Variants in SCAF8 observed in about 807,000 individuals in gnomAD.
SCAF8 encodes the protein SR-related and CTD-associated factor 8.
A neutral mutation model predicts 140.5 loss-of-function variants in SCAF8; 23 were observed. That is an observed-to-expected ratio of 0.16 (90% CI 0.12 to 0.23). SCAF8 has a LOEUF of 0.23. SCAF8 is among the 10% of genes least tolerant of loss of function. The pLI, the probability that SCAF8 is intolerant of heterozygous loss-of-function variation, is 1.00. For synonymous variants in SCAF8, 575 were observed against 528.9 expected (o/e 1.09, Z -1.20); for missense variants, 1,397 against 1,555.7 (o/e 0.90, Z 1.72).
intron 1 of SCAF8, chr6:154,741,873 C>T (rs1425766460): frequency 1.2e-5 from 10 of 868,070 alleles, no homozygotes; most frequent in Non-Finnish European, 1.7e-5. Flanking sequence ...ACCTTGAACA[C>T]TGGCTGAGCT....
At chr6:154,801,444 G>C (rs559464476) in intron 6 of SCAF8, among the ~76,000 whole-genome samples, 2 of 151,552 alleles carry the variant, frequency 1.3e-5, no homozygotes, top group South Asian at 4.1e-4. Context: ...TCTCACTGTT[G>C]TGTCTGTTTT....
chr6:154,796,932 AT>A, intron 6 of SCAF8, among the ~76,000 whole-genome samples: 1 of 151,930 alleles, frequency 6.6e-6, no homozygotes, highest in South Asian at 2.1e-4. Context: ...AGATCATGCC[AT>A]TGCACTGTAG....
chr6:154,804,522 G>T (rs1777859582), intron 8 of SCAF8, among the ~76,000 whole-genome samples: 1 of 152,084 alleles, frequency 6.6e-6, no homozygotes, highest in African/African-American at 2.4e-5. Context: ...ATTATTGTGT[G>T]TTCTTTTGTT....
Position 154,815,711 on chromosome 6 carries a change from G to C in SCAF8, c.1421-5G>C. The C allele has an allele frequency of 6.4e-7, 1 of 1,573,476 alleles. No homozygotes were observed. The highest frequency in any genetic ancestry group is 8.7e-7 in the Non-Finnish European group (1 of 1,144,306). ...TTAGGTCATTTGTCTCTTGTGTCTT[G>C]ACAGTATGTAGTACTACTCTCTGGG... On this transcript the variant is annotated splice_region_variant and splice_polypyrimidine_tract_variant and intron_variant, in intron 12 of 19. Transcript: ENST00000367178.
At chr6:154,790,777 TG>T (rs1777397534) in intron 4 of SCAF8, among the ~76,000 whole-genome samples, 1 of 152,148 alleles carries the variant, frequency 6.6e-6, no homozygotes, top group South Asian at 2.1e-4. Flanking sequence ...CCCTAAGTGC[TG>T]GGATTACAGG....
intron 1 of SCAF8, among the ~76,000 whole-genome samples, chr6:154,772,722 A>T (rs1374650825): frequency 6.6e-6 from 1 of 151,812 alleles, no homozygotes; most frequent in African/African-American, 2.4e-5. Context: ...AAAGTGGGGG[A>T]TGGGGTGGGA....
rs368777924 is a variant in SCAF8, at chr6:154,832,267, T to G, written c.2688T>G (p.Leu896=). The G allele has an allele frequency of 1.9e-6, 3 of 1,614,044 alleles. No homozygotes were observed. The highest frequency in any genetic ancestry group is 2.5e-6 in the Non-Finnish European group (3 of 1,180,026). The change falls in exon 20 of 20, where the codon CTT becomes CTG. Residue 896 remains leucine (L), a synonymous_variant. Transcript: ENST00000367178. ...CAAATGTTCCAAATACTCCTGGACTTCTGGGAACACAGCCACCAGCTGGAC... is the reference window on the plus strand; with the variant it reads ...CAAATGTTCCAAATACTCCTGGACTGCTGGGAACACAGCCACCAGCTGGAC... ...QPPNVPNTPG[L]LGTQPPAGPQ... is the part of the protein sequence containing the mutation.
intron 12 of SCAF8, among the ~76,000 whole-genome samples, chr6:154,813,625 C>T (rs549929138): frequency 6.6e-6 from 1 of 152,218 alleles, no homozygotes; most frequent in South Asian, 2.1e-4. Context: ...TAAAAGGTAT[C>T]TACATTTAAA....
chr6:154,733,954 C>T (rs747055732), intron 1 of SCAF8, 24 bp downstream of exon 1: 21 of 1,521,932 alleles, frequency 1.4e-5, no homozygotes, highest in South Asian at 1.4e-4. Flanking sequence ...CCGGGTTCCC[C>T]TGCTCCTGCC....
intron 1 of SCAF8, among the ~76,000 whole-genome samples, chr6:154,740,625 C>CTTTT (rs66980794): frequency 1.0e-4 from 14 of 138,522 alleles, no homozygotes; most frequent in East Asian, 2.1e-4. Flanking sequence ...TTTTCTTTTT[C>CTTTT]TTTTTTTTTT....
At chr6:154,737,960 T>A (rs1208028224) in intron 1 of SCAF8, among the ~76,000 whole-genome samples, 1 of 152,146 alleles carries the variant, frequency 6.6e-6, no homozygotes, top group Non-Finnish European at 1.5e-5. Flanking sequence ...CTGAATTTTG[T>A]CACCCCCATC....
intron 6 of SCAF8, among the ~76,000 whole-genome samples, chr6:154,799,170 G>A (rs1324600487): frequency 6.6e-6 from 1 of 150,710 alleles, no homozygotes; most frequent in Non-Finnish European, 1.5e-5. Context: ...TAGATACGGG[G>A]TTTCACCTTG....
chr6:154,830,674 A>G (rs573370168), intron 18 of SCAF8, among the ~76,000 whole-genome samples: 3 of 152,168 alleles, frequency 2.0e-5, no homozygotes, highest in South Asian at 2.1e-4. Flanking sequence ...ACTTTTTTTG[A>G]GTGCTGGTCC....
chr6:154,810,269 C>A, intron 12 of SCAF8, 61 bp downstream of exon 12: 1 of 1,262,662 alleles, frequency 7.9e-7, no homozygotes, highest in South Asian at 1.6e-5. Context: ...TAGTTATCTG[C>A]TACAAAGTCT....
In SCAF8 at chr6:154,799,646, C is replaced by T. The variant is rs192419150; in HGVS notation, c.607-2325C>T. On this transcript the variant is annotated intron_variant, in intron 6 of 19. Transcript: ENST00000367178. ...TTTTGTTGTTTCTTAAATAAACTAC[C>T]TATAATCCTGCCCCAAGATCTCTGC... Among the ~76,000 whole-genome samples the T allele has an allele frequency of 1.7e-3, 257 of 151,406 alleles. 3 individuals carry two copies. The highest frequency in any genetic ancestry group is 0.01 in the Middle Eastern group (3 of 294).
At chr6:154,780,534 C>T (rs183193473) in intron 3 of SCAF8, among the ~76,000 whole-genome samples, 74 of 151,986 alleles carry the variant, frequency 4.9e-4, no homozygotes, top group Admixed American at 8.5e-4. Flanking sequence ...GTCCCCCACC[C>T]CCGACTGGCC....
intron 12 of SCAF8, among the ~76,000 whole-genome samples, chr6:154,812,323 A>G (rs1343703753): frequency 1.1e-5 from 1 of 90,182 alleles, no homozygotes; most frequent in African/African-American, 4.1e-5. Flanking sequence ...TGCAAAAAGT[A>G]TTTTAAAATT....
In SCAF8 at chr6:154,733,467, G is replaced by C. The variant is rs1473157031; in HGVS notation, c.-434G>C. On this transcript the variant is annotated 5_prime_UTR_variant, in exon 1 of 20. Transcript: ENST00000367178. Reference sequence around the variant, plus strand: ...CAGCGCTTCCTCCTCTGTCTTCGCCGAGCGGGGCTGGTTCCTGCGGCCCGA... The same window carrying C: ...CAGCGCTTCCTCCTCTGTCTTCGCCCAGCGGGGCTGGTTCCTGCGGCCCGA... The C allele has an allele frequency of 1.5e-6, 2 of 1,366,048 alleles. No homozygotes were observed. Among genetic ancestry groups the C allele is most frequent in the Admixed American group, 3.5e-5 (1 of 28,364 alleles). The allele number at this position is 1,366,048 out of a possible 1,614,324, so 84.6% of individuals were successfully genotyped here.
chr6:154,805,513 AGAGTT>A (rs1777887786), intron 9 of SCAF8, 27 bp downstream of exon 9: 1 of 1,322,162 alleles, frequency 7.6e-7, no homozygotes. Flanking sequence ...TGTGGTCTTT[AGAGTT>A]ATTACTATTT....
Sources: allele counts gnomAD v4.1 joint callset (sites outside exome capture counted in the v4.1 genomes callset), GRCh38; gene constraint gnomAD v4.1.1; transcripts MANE v1.5; gene names NCBI Gene and HGNC (gene_info 2026-07-23, HGNC 2026-07-21).